METTL15: variants seen among roughly 807,000 people sequenced by gnomAD.
METTL15 encodes the protein 12S rRNA N(4)-cytidine methyltransferase METTL15.
METTL15 carries 34 observed loss-of-function variants against 38.3 expected under a neutral mutation model. The ratio of observed to expected loss-of-function variants is 0.89; its 90% CI spans 0.68 to 1.18. The LOEUF is 1.18. Among genes scored for constraint, METTL15 ranks in the 50% most tolerant of loss-of-function variants. The pLI is 0.00. For synonymous variants in METTL15, 162 were observed against 170.9 expected (o/e 0.95, Z 0.41); for missense variants, 438 against 498.4 (o/e 0.88, Z 1.15).
At chr11:28,290,512 A>C (rs1856471086) in intron 5 of METTL15, 115 bp downstream of exon 5, 2 of 838,342 alleles carry the variant, frequency 2.4e-6, no homozygotes, top group East Asian at 4.9e-5. Flanking sequence ...ACCTAACACT[A>C]CCAATACATA....
chr11:28,385,679 A>G (rs1850432317), intron 5 of METTL15, among the ~76,000 whole-genome samples: 1 of 152,154 alleles, frequency 6.6e-6, no homozygotes, highest in Admixed American at 6.6e-5. Context: ...CTAATTCTGC[A>G]AAGAATGTTA....
At chr11:28,295,283 T>C (rs1856689409) in intron 5 of METTL15, among the ~76,000 whole-genome samples, 1 of 152,024 alleles carries the variant, frequency 6.6e-6, no homozygotes, top group Admixed American at 6.6e-5. Context: ...AAAATTGAGG[T>C]TCTAATAGGT....
intron 4 of METTL15, among the ~76,000 whole-genome samples, chr11:28,257,241 AAGTC>A (rs1855009011): frequency 6.6e-6 from 1 of 152,200 alleles, no homozygotes; most frequent in Admixed American, 6.5e-5. Context: ...TTTGACTGAA[AAGTC>A]TGCTGCTAGT....
chr11:28,277,955 TGGAA>T (rs1052403788), intron 4 of METTL15, among the ~76,000 whole-genome samples: 1 of 152,084 alleles, frequency 6.6e-6, no homozygotes, highest in African/African-American at 2.4e-5. Flanking sequence ...AACATATAGT[TGGAA>T]GGAATAAATT....
At chr11:28,425,741 G>A (rs1471661233) in intron 6 of METTL15, among the ~76,000 whole-genome samples, 1 of 152,090 alleles carries the variant, frequency 6.6e-6, no homozygotes, top group Admixed American at 6.5e-5. Flanking sequence ...AGGCATAGAT[G>A]GTACCTGTAT....
rs1469842588 is a variant in METTL15, at chr11:28,110,200, C to A, written c.-219C>A. The A allele has an allele frequency of 6.6e-6, 1 of 152,254 alleles. No individual in the cohort carries two copies. Among genetic ancestry groups the A allele is most frequent in the East Asian group, 1.9e-4 (1 of 5,196 alleles). The allele number at this position is 152,254 out of a possible 1,614,324, so 9.4% of individuals were successfully genotyped here. On this transcript the variant is annotated 5_prime_UTR_variant, in exon 2 of 7. Coordinates refer to ENST00000407364, the MANE Select transcript of METTL15 (RefSeq NM_001113528.2). Reference sequence around the variant, plus strand: ...TTGGAAACCCCAGGCCAACAGGACCCTTTGGCAGCTGAGGCTGGAAACAGC... The same window carrying A: ...TTGGAAACCCCAGGCCAACAGGACCATTTGGCAGCTGAGGCTGGAAACAGC...
intron 6 of METTL15, among the ~76,000 whole-genome samples, chr11:28,454,904 C>A (rs556789331): frequency 6.6e-6 from 1 of 152,074 alleles, no homozygotes; most frequent in South Asian, 2.1e-4. Context: ...TGGGGAGGGG[C>A]TTGGAGTGGA....
intron 5 of METTL15, among the ~76,000 whole-genome samples, chr11:28,398,187 TG>T (rs1214628103): frequency 2.0e-5 from 3 of 151,980 alleles, no homozygotes; most frequent in African/African-American, 7.2e-5. Context: ...ACCTGCACGT[TG>T]TGCACATGTA....
At chr11:28,144,377 G>GT (rs1339485011) in intron 3 of METTL15, among the ~76,000 whole-genome samples, 1 of 152,154 alleles carries the variant, frequency 6.6e-6, no homozygotes, top group African/African-American at 2.4e-5. Context: ...GGACTGCAGT[G>GT]TACTTGGACC....
chr11:28,239,610 T>C lies in METTL15; in HGVS notation c.407+28412T>C, dbSNP rs185333067. 3.2e-4 allele frequency among the ~76,000 whole-genome samples: 49 copies of C among 152,312 alleles called. No individual in the cohort carries two copies. In the East Asian group the frequency reaches 9.3e-3, roughly 29 times the overall value. ...ATTAGATCATGTTTTTCCTCTGCTATGTTGACCCCTGTTTTTTTACTCTGT... is the reference window on the plus strand; with the variant it reads ...ATTAGATCATGTTTTTCCTCTGCTACGTTGACCCCTGTTTTTTTACTCTGT... On this transcript the variant is annotated intron_variant, in intron 4 of 6. Transcript: ENST00000407364.
At chr11:28,139,346 C>T (rs1849619368) in intron 3 of METTL15, among the ~76,000 whole-genome samples, 1 of 152,044 alleles carries the variant, frequency 6.6e-6, no homozygotes, top group South Asian at 2.1e-4. Flanking sequence ...AAGAGGGGAA[C>T]AAGTCATCCC....
chr11:28,161,949 T>G (rs1850481764), intron 3 of METTL15, among the ~76,000 whole-genome samples: 2 of 152,206 alleles, frequency 1.3e-5, no homozygotes, highest in African/African-American at 4.8e-5. Context: ...TAGATGATAC[T>G]GCAAATAGGA....
At chr11:28,420,564 A>T (rs183280875) in intron 5 of METTL15, among the ~76,000 whole-genome samples, 30 of 152,244 alleles carry the variant, frequency 2.0e-4, no homozygotes, top group Admixed American at 3.3e-4. Flanking sequence ...AATAATGAGG[A>T]ATTCTGGAAA....
At position 28,289,164 on chromosome 11, in the gene METTL15, C is replaced by T. The variant is rs1166284467; in HGVS notation, c.408-1042C>T. Among the ~76,000 whole-genome samples, 12 of 152,196 alleles carry T rather than the reference C, an allele frequency of 7.9e-5. No individual in the cohort carries two copies. In the East Asian group the frequency reaches 2.1e-3, roughly 27 times the overall value. ...TTTGTTGATTATTCTGTTAGTGGCA[C>T]CCATCAGATTATTTTGTAAACTGTT... On this transcript the variant is annotated intron_variant, in intron 4 of 6. Coordinates refer to ENST00000407364, the MANE Select transcript of METTL15 (RefSeq NM_001113528.2).
At chr11:28,205,723 A>G (rs1416954199) in intron 3 of METTL15, among the ~76,000 whole-genome samples, 14 of 150,662 alleles carry the variant, frequency 9.3e-5, no homozygotes, top group African/African-American at 3.4e-4. Context: ...AGTCCCACCA[A>G]CAGTGTAAAA....
downstream of METTL15, among the ~76,000 whole-genome samples, chr11:28,530,987 T>C (rs1417036611): frequency 6.6e-6 from 1 of 151,940 alleles, no homozygotes; most frequent in East Asian, 1.9e-4. Context: ...GTCCTATAAT[T>C]CTAGTTTTTT....
intron 4 of METTL15, among the ~76,000 whole-genome samples, chr11:28,215,337 G>T (rs1852817020): frequency 6.6e-6 from 1 of 152,052 alleles, no homozygotes; most frequent in Non-Finnish European, 1.5e-5. Flanking sequence ...TTCTATAGGG[G>T]AGGTTAGAGT....
chr11:28,108,643 C>T (rs975367815), intron 1 of METTL15, among the ~76,000 whole-genome samples, 191 bp downstream of exon 1: 15 of 152,158 alleles, frequency 9.9e-5, no homozygotes, highest in Admixed American at 7.2e-4. Context: ...GGTCTCTTCA[C>T]CTGAATTAAT....
At chr11:28,165,864 TG>T (rs1850640791) in intron 3 of METTL15, among the ~76,000 whole-genome samples, 1 of 152,160 alleles carries the variant, frequency 6.6e-6, no homozygotes, top group African/African-American at 2.4e-5. Flanking sequence ...TTTATTCTTC[TG>T]TATGAAGATA....
Sources: gnomAD v4.1 joint callset for allele counts (sites outside exome capture counted in the v4.1 genomes callset) on GRCh38, gnomAD v4.1.1 for gene constraint, MANE v1.5 for transcripts, NCBI Gene and HGNC (gene_info 2026-07-23, HGNC 2026-07-21) for gene names.